Variants in XYLT1 observed in about 807,000 individuals in gnomAD.
XYLT1 encodes the protein xylosyltransferase 1.
A neutral mutation model predicts 91.3 loss-of-function variants in XYLT1; 36 were observed. The observed-to-expected ratio is 0.39, with a 90% CI of 0.30 to 0.52. XYLT1 has a LOEUF of 0.52. Among genes scored for constraint, XYLT1 ranks in the 20% least tolerant of loss-of-function variants. The pLI is 0.68. For missense variants in XYLT1, 1,242 were observed against 1,284.5 expected (o/e 0.97, Z 0.51); for synonymous variants, 588 against 532.0 (o/e 1.11, Z -1.45).
chr16:17,409,316 A>G (rs754935564), intron 1 of XYLT1, among the ~76,000 whole-genome samples: 4 of 152,196 alleles, frequency 2.6e-5, no homozygotes, highest in African/African-American at 4.8e-5. Flanking sequence ...CCAAGAACAC[A>G]AAAGTCCTAG....
chr16:17,123,596 TG>T, intron 10 of XYLT1, among the ~76,000 whole-genome samples: 1 of 152,354 alleles, frequency 6.6e-6, no homozygotes, highest in East Asian at 1.9e-4. Context: ...GCCTATCATA[TG>T]GTCTATCTTG....
intron 6 of XYLT1, among the ~76,000 whole-genome samples, chr16:17,148,433 T>A (rs2031194242): frequency 1.3e-5 from 2 of 152,182 alleles, no homozygotes; most frequent in Admixed American, 1.3e-4. Context: ...TGGCAGAGAT[T>A]TTTGCCTATT....
intron 3 of XYLT1, among the ~76,000 whole-genome samples, chr16:17,204,952 A>C (rs1017013791): frequency 6.2e-5 from 9 of 145,408 alleles, no homozygotes; most frequent in African/African-American, 2.3e-4. Context: ...CAAAACCCAA[A>C]CAGTGCCCAG....
At chr16:17,336,308 C>T (rs549484390) in intron 2 of XYLT1, among the ~76,000 whole-genome samples, 10 of 152,368 alleles carry the variant, frequency 6.6e-5, no homozygotes, top group African/African-American at 2.2e-4. Context: ...CAAGCCCCCA[C>T]GGCGGTTCCC....
At chr16:17,110,289 G>A (rs1411269031) in intron 11 of XYLT1, among the ~76,000 whole-genome samples, 5 of 152,184 alleles carry the variant, frequency 3.3e-5, no homozygotes, top group Admixed American at 2.0e-4. Context: ...TGGTTTGGCC[G>A]TGTCCCCACC....
chr16:17,350,756 A>T (rs567861121), intron 2 of XYLT1, among the ~76,000 whole-genome samples: 40 of 151,210 alleles, frequency 2.6e-4, no homozygotes, highest in Middle Eastern at 3.4e-3. Flanking sequence ...AAGCTTCCCG[A>T]TTACTCCAAA....
rs540406683 is a variant in XYLT1, at chr16:17,154,493, G to A, written c.1370+4336C>T. Among the ~76,000 whole-genome samples the A allele has an allele frequency of 4.3e-4, 65 of 152,338 alleles. 1 individual carries two copies. Among genetic ancestry groups the A allele is most frequent in the Middle Eastern group, 3.4e-3 (1 of 294 alleles). Reference sequence around the variant, plus strand: ...CAGAGATTTGAAAAACTTCTCTGATGCTCCCTGAGCCAAGGCCAGGGACTT... The same window carrying A: ...CAGAGATTTGAAAAACTTCTCTGATACTCCCTGAGCCAAGGCCAGGGACTT... On this transcript the variant is annotated intron_variant, in intron 6 of 11. Transcript: ENST00000261381.
At chr16:17,154,038 G>A (rs2141535475) in intron 6 of XYLT1, among the ~76,000 whole-genome samples, 1 of 152,256 alleles carries the variant, frequency 6.6e-6, no homozygotes, top group Middle Eastern at 3.4e-3. Flanking sequence ...TCAAACCTCA[G>A]CTGTATTCAT....
chr16:17,413,499 T>C (rs1441400421), intron 1 of XYLT1, among the ~76,000 whole-genome samples: 1 of 151,070 alleles, frequency 6.6e-6, no homozygotes, highest in Non-Finnish European at 1.5e-5. Context: ...AATGCAGTGG[T>C]GCGTGGTGCA....
intron 2 of XYLT1, among the ~76,000 whole-genome samples, chr16:17,348,853 G>C (rs564580436): frequency 6.6e-6 from 1 of 152,288 alleles, no homozygotes; most frequent in African/African-American, 2.4e-5. Context: ...GCACAGCCCT[G>C]CCCCAAAACC....
chr16:17,357,585 T>C (rs1166207429), intron 2 of XYLT1, among the ~76,000 whole-genome samples: 2 of 152,204 alleles, frequency 1.3e-5, no homozygotes, highest in African/African-American at 4.8e-5. Context: ...AGGGTGCAAC[T>C]TCCTTCCATA....
At chr16:17,394,030 C>T (rs1263182966) in intron 1 of XYLT1, among the ~76,000 whole-genome samples, 4 of 152,112 alleles carry the variant, frequency 2.6e-5, no homozygotes, top group Non-Finnish European at 5.9e-5. Flanking sequence ...CCACCTCGGC[C>T]TCCCAAAGTG....
intron 5 of XYLT1, among the ~76,000 whole-genome samples, chr16:17,172,909 T>G (rs921462884): frequency 2.0e-5 from 3 of 152,230 alleles, no homozygotes; most frequent in Non-Finnish European, 4.4e-5. Context: ...TCATACCTCC[T>G]GCTTCTTGGG....
chr16:17,295,654 C>G (rs901888313), intron 2 of XYLT1, among the ~76,000 whole-genome samples: 1 of 152,206 alleles, frequency 6.6e-6, no homozygotes. Context: ...CCACACCCGA[C>G]CCAAGAGCTA....
intron 5 of XYLT1, among the ~76,000 whole-genome samples, chr16:17,161,970 A>G (rs1404157463): frequency 6.6e-6 from 1 of 152,184 alleles, no homozygotes; most frequent in African/African-American, 2.4e-5. Flanking sequence ...CCATATGAGA[A>G]TCTTTTTCGA....
chr16:17,282,499 G>A (rs911768029), intron 2 of XYLT1, among the ~76,000 whole-genome samples: 16 of 152,220 alleles, frequency 1.1e-4, no homozygotes, highest in African/African-American at 3.6e-4. Flanking sequence ...GGCAAAAATC[G>A]GCTCAGGTGG....
At chr16:17,400,621 GAGGAAGGGAGGA>G (rs1477548044) in intron 1 of XYLT1, among the ~76,000 whole-genome samples, 7 of 116,714 alleles carry the variant, frequency 6.0e-5, no homozygotes, top group African/African-American at 1.4e-4. Context: ...GGGAGGGAGG[GAGGAAGGGAGGA>G]AGGAAGGAAG....
At position 17,242,223 on chromosome 16, in the gene XYLT1, C is replaced by T. The variant is rs537480309; in HGVS notation, c.913+16765G>A. ...GGGGTTGGCGAATTATGGTCTTGGG[C>T]CAAACCCAGCCATCCATTTTGTAAA... On this transcript the variant is annotated intron_variant, in intron 3 of 11. Transcript: ENST00000261381. Among the ~76,000 whole-genome samples, 508 of 152,246 alleles carry T rather than the reference C, an allele frequency of 3.3e-3. 2 individuals are homozygous for T. The highest frequency in any genetic ancestry group is 4.8e-3 in the Non-Finnish European group (327 of 68,014).
chr16:17,336,009 G>A (rs1485427549), intron 2 of XYLT1, among the ~76,000 whole-genome samples: 1 of 152,186 alleles, frequency 6.6e-6, no homozygotes. Context: ...CTGCAACAGA[G>A]AAGTTGAGAC....
Sources: allele counts gnomAD v4.1 joint callset (sites outside exome capture counted in the v4.1 genomes callset), GRCh38; gene constraint gnomAD v4.1.1; transcripts MANE v1.5; gene names NCBI Gene and HGNC (gene_info 2026-07-23, HGNC 2026-07-21).